The following PLEKHG7 variants were observed in gnomAD, a reference collection of about 807,000 sequenced individuals.
PLEKHG7 encodes the protein pleckstrin homology and RhoGEF domain containing G7.
A neutral mutation model predicts 85.2 loss-of-function variants in PLEKHG7; 77 were observed. The observed-to-expected ratio is 0.90, with a 90% CI of 0.75 to 1.09. The LOEUF (loss-of-function observed/expected upper bound fraction) is 1.09. Among genes scored for constraint, PLEKHG7 ranks in the 50% least tolerant of loss-of-function variants. PLEKHG7 has a pLI of 0.00. For synonymous variants in PLEKHG7, 301 were observed against 302.4 expected, an observed-to-expected ratio of 1.00 and a Z score of 0.05; for missense variants, 777 against 804.3, an observed-to-expected ratio of 0.97 and a Z score of 0.41.
At chr12:92,721,345 G>C (rs766959965) in intron 3 of PLEKHG7, 10 of 748,944 alleles carry the variant, frequency 1.3e-5, no homozygotes, top group South Asian at 7.0e-5. Context: ...GTGGGGTTGG[G>C]GGGGAATTCC....
chr12:92,770,072 TTC>T lies in PLEKHG7; in HGVS notation c.1969-14_1969-13del. 1 of 1,508,068 alleles carries T rather than the reference TTC, an allele frequency of 6.6e-7. No individual in the cohort carries two copies. The highest frequency in any genetic ancestry group is 9.1e-7 in the Non-Finnish European group (1 of 1,104,598). 93.4% of individuals were successfully genotyped at this position (1,508,068 alleles called of 1,614,324 possible). ...TTCTAATCTCTATTTATGTATTTTT[TTC>T]TTTTTTTCAACAGAAAACATGGATG... On this transcript the variant is annotated splice_polypyrimidine_tract_variant and intron_variant, in intron 16 of 16. Coordinates refer to ENST00000344636, the MANE Select transcript of PLEKHG7 (RefSeq NM_001377329.1).
rs781767569 is a variant in PLEKHG7, at chr12:92,707,146, A to G, written c.507+8A>G. The G allele has an allele frequency of 3.7e-6, 6 of 1,608,092 alleles. No individual in the cohort carries two copies. In the Admixed American group the frequency reaches 5.1e-5, roughly 14 times the overall value. On this transcript the variant is annotated splice_region_variant and intron_variant, in intron 2 of 16. Transcript: ENST00000344636. Reference sequence around the variant, plus strand: ...CGACACCCTAGTCCTCAGGTAACACAGCTCTAAGCCTCCGGCCTCTCAGTT... The same window carrying G: ...CGACACCCTAGTCCTCAGGTAACACGGCTCTAAGCCTCCGGCCTCTCAGTT...
chr12:92,727,326 TGGA>T (rs1422712316), intron 3 of PLEKHG7, among the ~76,000 whole-genome samples: 1 of 152,172 alleles, frequency 6.6e-6, no homozygotes, highest in Non-Finnish European at 1.5e-5. Context: ...TATTGCATCA[TGGA>T]GGAGATCAGA....
intron 3 of PLEKHG7, among the ~76,000 whole-genome samples, chr12:92,713,757 T>G (rs2136574148): frequency 6.6e-6 from 1 of 152,310 alleles, no homozygotes; most frequent in South Asian, 2.1e-4. Flanking sequence ...TTGGATCCCT[T>G]CCTCTACATT....
intron 7 of PLEKHG7, among the ~76,000 whole-genome samples, chr12:92,739,526 G>C (rs1872285630): frequency 6.6e-6 from 1 of 152,158 alleles, no homozygotes; most frequent in Admixed American, 6.5e-5. Flanking sequence ...CTATCCCACT[G>C]TAAGCTGTCC....
rs1872762040 is a variant in PLEKHG7 at position 92,754,132 on chromosome 12, G to A, written c.1294G>A (p.Glu432Lys). ...NEQCRRLHVP[E>K]LLVAPLQRLT... ...ACAATGCAGACGGCTCCACGTGCCA[G>A]AGCTGCTAGTGGCCCCACTACAGAG... Residue 432 changes from glutamate (E) to lysine (K), a missense_variant, in exon 11 of 17, where the codon GAG (glutamate) becomes AAG (lysine). Physicochemically the swap from Glu to Lys is moderately conservative, Grantham distance 56 (BLOSUM62 1). Coordinates refer to ENST00000344636, the MANE Select transcript of PLEKHG7 (RefSeq NM_001377329.1). The A allele has an allele frequency of 6.2e-7, 1 of 1,613,902 alleles. No individual in the cohort carries two copies. The highest frequency in any genetic ancestry group is 8.5e-7 in the Non-Finnish European group (1 of 1,179,934).
At chr12:92,718,244 A>G (rs976913228) in intron 3 of PLEKHG7, among the ~76,000 whole-genome samples, 5 of 152,214 alleles carry the variant, frequency 3.3e-5, no homozygotes, top group African/African-American at 9.6e-5. Context: ...AAAAGAGAAG[A>G]CTGCAGCCTT....
rs774571853 is a variant in PLEKHG7 at position 92,707,655 on chromosome 12, A to G, written c.513A>G (p.Glu171=). The part of the protein sequence containing the change: ...PTLRHPSPQG[E]ELHPSRFYEH... ...GTTCTTAAAATTTATTTCAGGGAGA[A>G]GAATTGCACCCATCCAGGTGTGTAT... The change falls in exon 3 of 17, where the codon GAA becomes GAG. Residue 171 remains glutamate (E), a synonymous_variant. Transcript: ENST00000344636. 9 of 1,613,830 alleles carry G rather than the reference A, an allele frequency of 5.6e-6. No individual in the cohort carries two copies. Among genetic ancestry groups the G allele is most frequent in the Non-Finnish European group, 5.1e-6 (6 of 1,179,854 alleles).
At chr12:92,737,999 T>TTACACCCTTCTCAGGCAGTC (rs1028589700) in intron 7 of PLEKHG7, among the ~76,000 whole-genome samples, 3 of 152,174 alleles carry the variant, frequency 2.0e-5, no homozygotes, top group African/African-American at 7.2e-5. Context: ...GCCAGGGAGC[T>TTACACCCTTCTCAGGCAGTC]TACACCCTTC....
chr12:92,736,370 G>A, intron 5 of PLEKHG7, 112 bp from the exon 6 acceptor site: 1 of 599,888 alleles, frequency 1.7e-6, no homozygotes, highest in Non-Finnish European at 2.4e-6. Flanking sequence ...GACAAAATAT[G>A]CCATCTCTTA....
chr12:92,771,731 T>C lies in PLEKHG7; in HGVS notation c.*1536T>C, dbSNP rs1370783041. The C allele has an allele frequency of 6.6e-6, 1 of 152,018 alleles. No individual in the cohort carries two copies. The highest frequency in any genetic ancestry group is 1.5e-5 in the Non-Finnish European group (1 of 67,928). 9.4% of individuals were successfully genotyped at this position (152,018 alleles called of 1,614,324 possible). On this transcript the variant is annotated 3_prime_UTR_variant, in exon 17 of 17. Transcript: ENST00000344636. ...AACAATCATCTTGCAAATGTTTAGATATAAACTAACCTCGGAGGTGAGCAG... is the reference window on the plus strand; with the variant it reads ...AACAATCATCTTGCAAATGTTTAGACATAAACTAACCTCGGAGGTGAGCAG...
intron 13 of PLEKHG7, among the ~76,000 whole-genome samples, chr12:92,760,836 A>G (rs61933711): frequency 0.26 from 39,814 of 152,152 alleles, 5,749 homozygotes; most frequent in Non-Finnish European, 0.33. Context: ...AAACATTTAT[A>G]GACACTTTCT....
intron 3 of PLEKHG7, chr12:92,721,344 G>T (rs77396518): frequency 4.1e-6 from 3 of 735,004 alleles, no homozygotes; most frequent in South Asian, 1.4e-4. Flanking sequence ...AGTGGGGTTG[G>T]GGGGGAATTC....
In PLEKHG7 at chr12:92,771,258, G is replaced by T. The variant is rs1198074761; in HGVS notation, c.*1063G>T. 6.6e-6 allele frequency: 1 copy of T among 151,986 alleles called. No homozygotes were observed. The highest frequency in any genetic ancestry group is 1.5e-5 in the Non-Finnish European group (1 of 67,974). 9.4% of individuals were successfully genotyped at this position (151,986 alleles called of 1,614,324 possible). ...GAAAGTAGTAAATTTATCAAATTTG[G>T]CTGCAAGACAACTGAAGCCTTAGCT... On this transcript the variant is annotated 3_prime_UTR_variant, in exon 17 of 17. Transcript: ENST00000344636.
chr12:92,761,413 A>G (rs1872984369), intron 13 of PLEKHG7, among the ~76,000 whole-genome samples: 1 of 152,074 alleles, frequency 6.6e-6, no homozygotes, highest in African/African-American at 2.4e-5. Flanking sequence ...CCTCTCATCA[A>G]GTCTCTGCTT....
chr12:92,721,670 A>T (rs975581326), intron 3 of PLEKHG7: 3 of 283,116 alleles, frequency 1.1e-5, no homozygotes, highest in Non-Finnish European at 1.7e-5. Context: ...GCTTGTCCTG[A>T]AGCAAAGAAC....
chr12:92,718,839 G>A (rs1871560142), intron 3 of PLEKHG7, among the ~76,000 whole-genome samples: 1 of 152,160 alleles, frequency 6.6e-6, no homozygotes, highest in Non-Finnish European at 1.5e-5. Flanking sequence ...ATGGTGCTCT[G>A]AACACATGTC....
chr12:92,719,478 T>C (rs1025884275), intron 3 of PLEKHG7, among the ~76,000 whole-genome samples: 4 of 152,200 alleles, frequency 2.6e-5, no homozygotes, highest in Admixed American at 6.5e-5. Flanking sequence ...ACAAGGACTA[T>C]AGTTTCTGAT....
chr12:92,745,637 T>G, intron 10 of PLEKHG7, 46 bp downstream of exon 10: 1 of 1,305,334 alleles, frequency 7.7e-7, no homozygotes, highest in Non-Finnish European at 1.1e-6. Context: ...TGATGCTTTT[T>G]GGGTGTCACA....
Sources: gnomAD v4.1 joint callset for allele counts (sites outside exome capture counted in the v4.1 genomes callset) on GRCh38, gnomAD v4.1.1 for gene constraint, MANE v1.5 for transcripts, NCBI Gene and HGNC (gene_info 2026-07-23, HGNC 2026-07-21) for gene names.